Variants in SOX5 observed in about 807,000 individuals in gnomAD.
The protein encoded by SOX5 is SRY-box transcription factor 5, also known as transcription factor SOX-5.
Under a neutral mutation model 92.0 loss-of-function variants are expected in SOX5, and 9 were observed. The observed-to-expected ratio is 0.10, with a 90% CI of 0.06 to 0.17. The LOEUF (loss-of-function observed/expected upper bound fraction) is 0.17, where lower values mean the gene tolerates loss of function less well. Ranked by LOEUF, SOX5 falls within the 10% of genes least tolerant of loss-of-function variation. SOX5 has a pLI of 1.00. For missense variants in SOX5, 642 were observed against 944.5 expected (o/e 0.68, Z 4.20); for synonymous variants, 344 against 336.3 (o/e 1.02, Z -0.25).
intron 1 of SOX5, among the ~76,000 whole-genome samples, chr12:23,896,714 T>TA (rs11306331): frequency 0.011 from 1,357 of 123,798 alleles, 12 homozygotes; most frequent in African/African-American, 0.031. Context: ...TGCAAGGTAG[T>TA]AAAAAAAAAA....
intron 1 of SOX5, among the ~76,000 whole-genome samples, chr12:24,422,338 T>C (rs1472874): frequency 0.18 from 27,036 of 152,112 alleles, 2,487 homozygotes; most frequent in Middle Eastern, 0.22. Context: ...AGGGACCATA[T>C]GAGTAATTCT....
In SOX5 at chr12:23,680,343, A is replaced by G. The variant is rs964305818; in HGVS notation, c.811-14779T>C. 4.7e-4 allele frequency among the ~76,000 whole-genome samples: 71 copies of G among 150,492 alleles called. 1 individual carries two copies. Among genetic ancestry groups the G allele is most frequent in the Middle Eastern group, 3.4e-3 (1 of 290 alleles). On this transcript the variant is annotated intron_variant, in intron 6 of 14. Coordinates refer to ENST00000451604, the MANE Select transcript of SOX5 (RefSeq NM_006940.6). Reference sequence around the variant, plus strand: ...CTTGTCTCAAAAAAAAAAAAAAAAAAAAAAGAAAAATATAATAACAGAAAT... The same window carrying G: ...CTTGTCTCAAAAAAAAAAAAAAAAAGAAAAGAAAAATATAATAACAGAAAT...
rs1941271787 is a variant in SOX5, at chr12:24,445,137, G to A, written c.-250-76498C>T. 2.0e-5 allele frequency among the ~76,000 whole-genome samples: 3 copies of A among 152,148 alleles called. No individual in the cohort carries two copies. The South Asian group carries it at 6.2e-4, about 32-fold the overall frequency. ...GTCACAAGTACTTACAAGTAAGTTA[G>A]TTAAAACAATAAGTCATTTCAAGTT... On this transcript the variant is annotated intron_variant, in intron 1 of 4. Coordinates refer to the SOX5 transcript ENST00000446891.
At chr12:23,719,878 C>G (rs77958679) in intron 6 of SOX5, among the ~76,000 whole-genome samples, 3,805 of 147,910 alleles carry the variant, frequency 0.026, 172 homozygotes, top group African/African-American at 0.089. Context: ...ATCTGCTGTT[C>G]AAGAGTGATT....
chr12:24,479,972 A>T (rs1038356176), intron 1 of SOX5, among the ~76,000 whole-genome samples: 1 of 152,184 alleles, frequency 6.6e-6, no homozygotes, highest in African/African-American at 2.4e-5. Flanking sequence ...AGTCCTGGAG[A>T]ATTATTTTAA....
chr12:24,230,095 C>T (rs944740084), intron 3 of SOX5, among the ~76,000 whole-genome samples: 3 of 152,124 alleles, frequency 2.0e-5, no homozygotes, highest in African/African-American at 2.4e-5. Flanking sequence ...CTCAGATTGG[C>T]CTTGAATTAC....
chr12:24,023,165 T>A (rs1304968266), intron 4 of SOX5, among the ~76,000 whole-genome samples: 1 of 152,180 alleles, frequency 6.6e-6, no homozygotes, highest in Non-Finnish European at 1.5e-5. Context: ...ATGCAAGCCA[T>A]GTTCTTTATG....
At chr12:23,656,904 T>A (rs2082373850) in intron 7 of SOX5, among the ~76,000 whole-genome samples, 1 of 152,014 alleles carries the variant, frequency 6.6e-6, no homozygotes, top group Non-Finnish European at 1.5e-5. Context: ...TTTAGTTTGT[T>A]TTCTACAATT....
At chr12:24,397,125 A>G (rs1389567335) in intron 1 of SOX5, among the ~76,000 whole-genome samples, 3 of 152,162 alleles carry the variant, frequency 2.0e-5, no homozygotes, top group African/African-American at 4.8e-5. Context: ...TCATTCTAAC[A>G]TGATCATCTA....
rs1018692620 is a variant in SOX5 at position 24,287,565 on chromosome 12, C to T, written c.-173-10253G>A. ...GCGCGAGCTCAGCAGGGCTAAAGGG[C>T]ATCTTAAAAACAGTGATTCTCAAAT... On this transcript the variant is annotated intron_variant, in intron 2 of 4. Coordinates refer to the SOX5 transcript ENST00000446891. Among the ~76,000 whole-genome samples, 3 of 139,830 alleles carry T rather than the reference C, an allele frequency of 2.1e-5. No homozygotes were observed. The East Asian group carries it at 6.6e-4, about 31-fold the overall frequency. 91.7% of individuals were successfully genotyped at this position (139,830 alleles called of 152,430 possible). A position where few individuals can be genotyped will look rare whatever the true frequency, so the allele number is the denominator to read the frequency against.
intron 2 of SOX5, among the ~76,000 whole-genome samples, chr12:24,329,686 G>T (rs973657477): frequency 6.6e-6 from 1 of 152,100 alleles, no homozygotes; most frequent in South Asian, 2.1e-4. Context: ...AATGGTTGGT[G>T]ATGTGTTGTT....
Position 24,236,566 on chromosome 12 carries a change from T to C in SOX5, c.-76-23149A>G, listed in dbSNP as rs74631056. Among the ~76,000 whole-genome samples the C allele has an allele frequency of 7.0e-3, 1,067 of 152,358 alleles. 9 individuals carry two copies. Among genetic ancestry groups the C allele is most frequent in the African/African-American group, 0.025 (1,028 of 41,580 alleles). ...CCACAAAGGCCAGTCTTGGGCTGAC[T>C]GATGTACACAGGACTATTTGGTTAC... On this transcript the variant is annotated intron_variant, in intron 3 of 4. Transcript: ENST00000446891.
chr12:24,124,562 C>CAA (rs35701853), intron 4 of SOX5, among the ~76,000 whole-genome samples: 7,212 of 133,520 alleles, frequency 0.054, 183 homozygotes, highest in South Asian at 0.087. Flanking sequence ...AGGAATGGGA[C>CAA]AAAAAAAAAA....
chr12:23,700,167 A>C (rs967832630), intron 6 of SOX5, among the ~76,000 whole-genome samples: 3 of 152,052 alleles, frequency 2.0e-5, no homozygotes, highest in Admixed American at 2.0e-4. Flanking sequence ...CACACAACAA[A>C]TTTAATACGA....
chr12:24,227,943 A>C (rs969650542), intron 3 of SOX5: 1 of 152,250 alleles, frequency 6.6e-6, no homozygotes, highest in Admixed American at 6.5e-5. Context: ...CTGTCACATA[A>C]TAATATGCAT....
chr12:23,746,726 T>C (rs2093997246), intron 4 of SOX5, among the ~76,000 whole-genome samples: 1 of 152,042 alleles, frequency 6.6e-6, no homozygotes, highest in African/African-American at 2.4e-5. Context: ...CCAGCTTCAG[T>C]CATCTCCAGC....
intron 2 of SOX5, among the ~76,000 whole-genome samples, chr12:24,302,528 T>C (rs973300277): frequency 6.6e-6 from 1 of 152,002 alleles, no homozygotes; most frequent in African/African-American, 2.4e-5. Flanking sequence ...TCTGAAAAAG[T>C]ATAAAGAGGG....
intron 2 of SOX5, among the ~76,000 whole-genome samples, chr12:24,315,276 TG>T (rs1949592689): frequency 6.6e-6 from 1 of 152,224 alleles, no homozygotes; most frequent in African/African-American, 2.4e-5. Context: ...TAGCTGAATT[TG>T]GGTAAGAATG....
At chr12:24,468,035 A>G (rs4376999) in intron 1 of SOX5, among the ~76,000 whole-genome samples, 95,623 of 152,108 alleles carry the variant, frequency 0.63, 31,002 homozygotes, top group East Asian at 0.98. Context: ...TGTAGGCAAA[A>G]GACACTGGAG....
Sources: allele counts gnomAD v4.1 joint callset (sites outside exome capture counted in the v4.1 genomes callset), GRCh38; gene constraint gnomAD v4.1.1; transcripts MANE v1.5; gene names NCBI Gene and HGNC (gene_info 2026-07-23, HGNC 2026-07-21).